The following CBLB variants were observed in gnomAD, a reference collection of about 807,000 sequenced individuals.
CBLB encodes E3 ubiquitin-protein ligase CBL-B.
Under a neutral mutation model 104.9 loss-of-function variants are expected in CBLB, and 31 were observed. The ratio of observed to expected loss-of-function variants is 0.30; its 90% CI spans 0.22 to 0.40. CBLB has a LOEUF of 0.40. Ranked by LOEUF, CBLB falls within the 10% of genes least tolerant of loss-of-function variation. The pLI, the probability that CBLB is intolerant of heterozygous loss-of-function variation, is 1.00. For missense variants in CBLB, 1,062 were observed against 1,214.6 expected (o/e 0.87, Z 1.87); for synonymous variants, 440 against 422.6 (o/e 1.04, Z -0.51).
At chr3:105,806,377 T>C (rs1331035528) in intron 3 of CBLB, among the ~76,000 whole-genome samples, 1 of 150,844 alleles carries the variant, frequency 6.6e-6, no homozygotes, top group Admixed American at 6.7e-5. Flanking sequence ...CAATCCTCAA[T>C]GGGAAGCTGT....
intron 3 of CBLB, among the ~76,000 whole-genome samples, chr3:105,803,964 G>A (rs577592842): frequency 3.5e-4 from 54 of 152,262 alleles, no homozygotes; most frequent in Admixed American, 1.3e-3. Flanking sequence ...TGTTCACTCA[G>A]GAGTCTGTGT....
At position 105,658,598 on chromosome 3, in the gene CBLB, G is replaced by A; in HGVS notation, c.*372C>T. 1 of 331,160 alleles carries A rather than the reference G, an allele frequency of 3.0e-6. No homozygotes were observed. Among genetic ancestry groups the A allele is most frequent in the Non-Finnish European group, 5.6e-6 (1 of 177,336 alleles). 20.5% of individuals were successfully genotyped at this position (331,160 alleles called of 1,614,324 possible). A position where few individuals can be genotyped will look rare whatever the true frequency, so the allele number is the denominator to read the frequency against. On this transcript the variant is annotated 3_prime_UTR_variant, in exon 19 of 19. Coordinates refer to ENST00000394030, the MANE Select transcript of CBLB (RefSeq NM_170662.5). ...GACCACGCTACAAAGGGTCTGTGAA[G>A]AACACAGTACAGGTATCAAAACACC...
chr3:105,718,768 A>T (rs2072311701), intron 10 of CBLB, among the ~76,000 whole-genome samples: 1 of 152,216 alleles, frequency 6.6e-6, no homozygotes, highest in Admixed American at 6.5e-5. Context: ...CCAAGTCAGG[A>T]GGAAGGGTGG....
intron 3 of CBLB, among the ~76,000 whole-genome samples, chr3:105,825,418 A>C (rs2086441784): frequency 6.6e-6 from 1 of 152,220 alleles, no homozygotes; most frequent in Non-Finnish European, 1.5e-5. Context: ...CGGAGAGGAA[A>C]GTAAAAAAAC....
chr3:105,720,416 C>T (rs1188763853), intron 9 of CBLB, among the ~76,000 whole-genome samples, 166 bp from the exon 10 acceptor site: 1 of 151,730 alleles, frequency 6.6e-6, no homozygotes, highest in East Asian at 1.9e-4. Flanking sequence ...GAACAGGGAG[C>T]CAACAAAATG....
At chr3:105,770,140 T>C (rs1314694768) in intron 4 of CBLB, among the ~76,000 whole-genome samples, 1 of 151,908 alleles carries the variant, frequency 6.6e-6, no homozygotes, top group Non-Finnish European at 1.5e-5. Context: ...CTTCTCCCAC[T>C]TGGAAGGACA....
At chr3:105,699,882 A>C (rs1043910126) in intron 12 of CBLB, among the ~76,000 whole-genome samples, 1 of 152,182 alleles carries the variant, frequency 6.6e-6, no homozygotes, top group Admixed American at 6.6e-5. Context: ...CACCAAATCT[A>C]AGAGTAACAT....
intron 3 of CBLB, among the ~76,000 whole-genome samples, chr3:105,802,801 C>T (rs1039464380): frequency 2.0e-5 from 3 of 152,058 alleles, no homozygotes; most frequent in African/African-American, 2.4e-5. Context: ...TTAGAAGACA[C>T]TTAATTTTCA....
At chr3:105,795,173 A>G (rs1221403770) in intron 3 of CBLB, among the ~76,000 whole-genome samples, 1 of 152,178 alleles carries the variant, frequency 6.6e-6, no homozygotes, top group African/African-American at 2.4e-5. Context: ...CGGCCTCCGA[A>G]AGTGCTGGGA....
At chr3:105,781,731 G>C (rs1423430727) in intron 3 of CBLB, among the ~76,000 whole-genome samples, 1 of 152,140 alleles carries the variant, frequency 6.6e-6, no homozygotes, top group Non-Finnish European at 1.5e-5. Context: ...TGCTGAATTA[G>C]TAAAAACTTT....
chr3:105,683,734 T>C (rs1213626100), intron 14 of CBLB, among the ~76,000 whole-genome samples: 4 of 152,230 alleles, frequency 2.6e-5, no homozygotes, highest in Admixed American at 6.5e-5. Flanking sequence ...TTCTGATACA[T>C]AAAATTAGCT....
At chr3:105,792,347 C>T (rs2081759340) in intron 3 of CBLB, among the ~76,000 whole-genome samples, 1 of 152,126 alleles carries the variant, frequency 6.6e-6, no homozygotes, top group South Asian at 2.1e-4. Flanking sequence ...TCAGTCCCTC[C>T]CAAGTGGGGA....
At chr3:105,820,144 G>A (rs2085631754) in intron 3 of CBLB, among the ~76,000 whole-genome samples, 1 of 152,152 alleles carries the variant, frequency 6.6e-6, no homozygotes, top group Non-Finnish European at 1.5e-5. Flanking sequence ...TTCTCTTAAG[G>A]ACAGCACAAC....
intron 3 of CBLB, among the ~76,000 whole-genome samples, chr3:105,829,289 G>GT (rs2087059419): frequency 6.6e-6 from 1 of 151,970 alleles, no homozygotes. Context: ...TAAAATAAAC[G>GT]TAACGAATAC....
intron 5 of CBLB, chr3:105,749,643 T>A (rs1211817128): frequency 5.7e-6 from 1 of 174,450 alleles, no homozygotes; most frequent in African/African-American, 2.4e-5. Context: ...AGCAGTTAGG[T>A]TTAATGTAGG....
chr3:105,844,310 T>G lies in CBLB; in HGVS notation c.419+9104A>C, dbSNP rs540345136. On this transcript the variant is annotated intron_variant, in intron 3 of 18. Transcript: ENST00000394030. The stretch of plus-strand genomic sequence containing the variant: ...TCTCTCGTTTAAGCCACCCAGTATG[T>G]GGTACTTCGTTACCGCAGCCCGAAG... Among the ~76,000 whole-genome samples, 144 of 152,344 alleles carry G rather than the reference T, an allele frequency of 9.5e-4. 1 individual carries two copies. Among genetic ancestry groups the G allele is most frequent in the African/African-American group, 3.4e-3 (143 of 41,588 alleles).
At chr3:105,771,218 T>C (rs2078838556) in intron 4 of CBLB, among the ~76,000 whole-genome samples, 1 of 152,134 alleles carries the variant, frequency 6.6e-6, no homozygotes, top group Non-Finnish European at 1.5e-5. Context: ...GTTTCAGAGA[T>C]ACAAGGACAG....
chr3:105,742,398 TA>T (rs1008106993), intron 6 of CBLB, among the ~76,000 whole-genome samples: 2 of 152,120 alleles, frequency 1.3e-5, no homozygotes, highest in African/African-American at 4.8e-5. Flanking sequence ...AACTAGAATT[TA>T]AAAAAAGAAG....
chr3:105,819,199 T>C (rs973376857), intron 3 of CBLB, among the ~76,000 whole-genome samples: 1 of 152,084 alleles, frequency 6.6e-6, no homozygotes, highest in African/African-American at 2.4e-5. Flanking sequence ...TCAAAACACA[T>C]AATGAGGCCG....
Sources: gnomAD v4.1 joint callset for allele counts (sites outside exome capture counted in the v4.1 genomes callset) on GRCh38, gnomAD v4.1.1 for gene constraint, MANE v1.5 for transcripts, NCBI Gene and HGNC (gene_info 2026-07-23, HGNC 2026-07-21) for gene names.